The following AHI1 variants were observed in gnomAD, a reference collection of about 807,000 sequenced individuals.
AHI1 encodes Abelson helper integration site 1.
AHI1 carries 123 observed loss-of-function variants against 149.3 expected under a neutral mutation model. That is an observed-to-expected ratio of 0.82 (90% CI 0.71 to 0.96). The LOEUF (loss-of-function observed/expected upper bound fraction) is 0.96, where lower values mean the gene tolerates loss of function less well. Among genes scored for constraint, AHI1 ranks in the 40% least tolerant of loss-of-function variants. The probability of loss-of-function intolerance (pLI) is 0.00; values close to 1 mark genes in which losing one functional copy is unlikely to be tolerated. For missense variants in AHI1, 1,439 were observed against 1,422.7 expected, an observed-to-expected ratio of 1.01 and a Z score of -0.18; for synonymous variants, 475 against 459.8, an observed-to-expected ratio of 1.03 and a Z score of -0.42.
intron 3 of AHI1, among the ~76,000 whole-genome samples, chr6:135,493,748 T>A (rs1401298414): frequency 6.6e-6 from 1 of 152,056 alleles, no homozygotes; most frequent in Non-Finnish European, 1.5e-5. Context: ...CTATGATTCA[T>A]CAAAAAAAAG....
chr6:135,436,486 A>C (rs141304132), intron 15 of AHI1, among the ~76,000 whole-genome samples: 315 of 152,364 alleles, frequency 2.1e-3, no homozygotes, highest in Non-Finnish European at 3.4e-3. Flanking sequence ...AACTGGGCTG[A>C]AGTAAAGACA....
intron 5 of AHI1, among the ~76,000 whole-genome samples, chr6:135,487,597 C>T (rs1794662972): frequency 6.6e-6 from 1 of 152,054 alleles, no homozygotes; most frequent in African/African-American, 2.4e-5. Flanking sequence ...GATATTCTGA[C>T]ACCATATACA....
intron 22 of AHI1, among the ~76,000 whole-genome samples, chr6:135,395,601 A>C (rs1359154883): frequency 1.3e-5 from 2 of 151,980 alleles, no homozygotes; most frequent in African/African-American, 2.4e-5. Context: ...TAGTTCACTG[A>C]AAAAGCTTGA....
chr6:135,448,617 A>T (rs1381952566), intron 11 of AHI1, 142 bp from the exon 12 acceptor site: 6 of 652,088 alleles, frequency 9.2e-6, no homozygotes, highest in African/African-American at 1.8e-5. Context: ...AAAGAACATT[A>T]AATAGTTAGT....
At chr6:135,486,910 G>A (rs1036651001) in intron 5 of AHI1, among the ~76,000 whole-genome samples, 1 of 152,068 alleles carries the variant, frequency 6.6e-6, no homozygotes, top group African/African-American at 2.4e-5. Flanking sequence ...TAGGACTACA[G>A]GCGCATGCCA....
At chr6:135,402,565 A>C (rs970409649) in intron 22 of AHI1, among the ~76,000 whole-genome samples, 1 of 151,854 alleles carries the variant, frequency 6.6e-6, no homozygotes, top group African/African-American at 2.4e-5. Flanking sequence ...TTTTTTCAGT[A>C]AGTTACACCA....
At chr6:135,453,123 T>A (rs1788390501) in intron 11 of AHI1, among the ~76,000 whole-genome samples, 1 of 152,190 alleles carries the variant, frequency 6.6e-6, no homozygotes, top group Non-Finnish European at 1.5e-5. Flanking sequence ...TAATGCTACA[T>A]CCTCAGAACC....
intron 5 of AHI1, among the ~76,000 whole-genome samples, chr6:135,473,254 A>T (rs981278245): frequency 3.3e-5 from 5 of 152,262 alleles, no homozygotes; most frequent in South Asian, 4.1e-4. Context: ...GAGTCAATTG[A>T]ACATATATAT....
Position 135,286,737 on chromosome 6 carries a change from T to C in AHI1, c.3589-1090A>G, listed in dbSNP as rs192896580. ...TTTATCACTTGATGTTTCTTGATTT[T>C]AAATTTGTTAAACAGAGCTACTCCA... On this transcript the variant is annotated intron_variant, in intron 28 of 28. Coordinates refer to ENST00000265602, the MANE Select transcript of AHI1 (RefSeq NM_001134831.2). Among the ~76,000 whole-genome samples the C allele has an allele frequency of 4.9e-3, 745 of 152,334 alleles. 25 individuals carry two copies. Among genetic ancestry groups the C allele is most frequent in the East Asian group, 8.7e-3 (45 of 5,194 alleles).
intron 21 of AHI1, among the ~76,000 whole-genome samples, chr6:135,408,667 A>C (rs1053036296): frequency 6.6e-6 from 1 of 152,162 alleles, no homozygotes; most frequent in Admixed American, 6.5e-5. Context: ...TTCCTTGTAT[A>C]GTTTAAAACT....
chr6:135,398,695 C>T (rs755311959), intron 22 of AHI1, among the ~76,000 whole-genome samples: 10 of 152,184 alleles, frequency 6.6e-5, no homozygotes, highest in Non-Finnish European at 1.2e-4. Flanking sequence ...ACCTCCTTTT[C>T]TCTCTTAGTT....
At chr6:135,450,801 C>T (rs1420225695) in intron 11 of AHI1, among the ~76,000 whole-genome samples, 1 of 152,030 alleles carries the variant, frequency 6.6e-6, no homozygotes, top group African/African-American at 2.4e-5. Flanking sequence ...ATAAATAAGG[C>T]TTTATTACTT....
At chr6:135,299,531 C>G (rs535013918) in intron 27 of AHI1, among the ~76,000 whole-genome samples, 1 of 151,940 alleles carries the variant, frequency 6.6e-6, no homozygotes, top group Admixed American at 6.6e-5. Flanking sequence ...GTCACACTTC[C>G]GTTATATTTT....
At chr6:135,421,995 T>C (rs1783228590) in intron 20 of AHI1, among the ~76,000 whole-genome samples, 2 of 152,190 alleles carry the variant, frequency 1.3e-5, no homozygotes, top group Admixed American at 1.3e-4. Context: ...TTTGAACTAT[T>C]CATAAGTATT....
At chr6:135,394,544 AATT>A (rs2128484595) in intron 23 of AHI1, 4 of 493,942 alleles carry the variant, frequency 8.1e-6, no homozygotes, top group Non-Finnish European at 1.4e-5. Flanking sequence ...GCTAGTTTTA[AATT>A]ATTATCTGTT....
intron 9 of AHI1, among the ~76,000 whole-genome samples, chr6:135,456,370 G>A (rs564706333): frequency 3.3e-5 from 5 of 151,926 alleles, no homozygotes; most frequent in Admixed American, 1.3e-4. Context: ...ATGAAACCTC[G>A]TTTCTACAAA....
At chr6:135,446,903 A>T in intron 13 of AHI1, 105 bp downstream of exon 13, 1 of 1,235,018 alleles carries the variant, frequency 8.1e-7, no homozygotes, top group East Asian at 2.5e-5. Flanking sequence ...AACAAGGATA[A>T]ATAGCAAGCA....
At chr6:135,490,402 T>G (rs1208345302) in intron 5 of AHI1, 3 of 649,056 alleles carry the variant, frequency 4.6e-6, no homozygotes, top group Non-Finnish European at 2.7e-6. Flanking sequence ...CCCCACTGTG[T>G]GTGTGTTCTT....
At chr6:135,338,427 T>C (rs1163871681) in intron 24 of AHI1, among the ~76,000 whole-genome samples, 1 of 151,996 alleles carries the variant, frequency 6.6e-6, no homozygotes, top group African/African-American at 2.4e-5. Context: ...CTAAAACTTA[T>C]CAAAAAGCAT....
Sources: gnomAD v4.1 joint callset for allele counts (sites outside exome capture counted in the v4.1 genomes callset) on GRCh38, gnomAD v4.1.1 for gene constraint, MANE v1.5 for transcripts, NCBI Gene and HGNC (gene_info 2026-07-23, HGNC 2026-07-21) for gene names.